ZMYM2: variants seen among roughly 807,000 people sequenced by gnomAD.
ZMYM2 encodes zinc finger MYM-type containing 2, also known as zinc finger MYM-type protein 2.
ZMYM2 carries 56 observed loss-of-function variants against 162.8 expected under a neutral mutation model. That is an observed-to-expected ratio of 0.34 (90% CI 0.28 to 0.43). The LOEUF (loss-of-function observed/expected upper bound fraction) is 0.43, where lower values mean the gene tolerates loss of function less well. Among genes scored for constraint, ZMYM2 ranks in the 20% least tolerant of loss-of-function variants. ZMYM2 has a pLI of 1.00. For missense variants in ZMYM2, 1,275 were observed against 1,621.8 expected (o/e 0.79, Z 3.67); for synonymous variants, 510 against 541.6 (o/e 0.94, Z 0.81).
At chr13:19,937,405 T>C in the ZMYM2 span, among the ~76,000 whole-genome samples, 3 of 151,324 alleles carry the variant, frequency 2.0e-5, no homozygotes, top group Non-Finnish European at 1.5e-5. Context: ...CCCAAAGTAT[T>C]GGGATTACAG....
intron 16 of ZMYM2, among the ~76,000 whole-genome samples, chr13:20,060,125 T>C (rs1046672751): frequency 1.3e-5 from 2 of 152,198 alleles, no homozygotes; most frequent in African/African-American, 4.8e-5. Flanking sequence ...GCATAGACTT[T>C]GGTATCCATC....
intron 3 of ZMYM2, among the ~76,000 whole-genome samples, chr13:20,002,021 A>G (rs1950429706): frequency 6.6e-6 from 1 of 152,192 alleles, no homozygotes; most frequent in Non-Finnish European, 1.5e-5. Flanking sequence ...CTGAACCAGA[A>G]ATATTTCTGA....
intron 21 of ZMYM2, among the ~76,000 whole-genome samples, chr13:20,080,203 A>G (rs1055219867): frequency 2.0e-5 from 3 of 152,148 alleles, no homozygotes; most frequent in Non-Finnish European, 2.9e-5. Flanking sequence ...CACTTTCTTG[A>G]TTTGCCAGGC....
intron 2 of ZMYM2, among the ~76,000 whole-genome samples, chr13:19,989,534 C>A (rs771285294): frequency 6.6e-6 from 1 of 152,128 alleles, no homozygotes; most frequent in Non-Finnish European, 1.5e-5. Context: ...TAACTCCGGA[C>A]CTCAAGTGAT....
chr13:20,072,670 T>A (rs1957174906), intron 21 of ZMYM2, among the ~76,000 whole-genome samples: 1 of 152,160 alleles, frequency 6.6e-6, no homozygotes, highest in African/African-American at 2.4e-5. Context: ...AGGATTACTT[T>A]TTGTGGTGGG....
At chr13:19,987,620 CGTGTGTGTGTGTGT>C (rs756005409) in intron 2 of ZMYM2, among the ~76,000 whole-genome samples, 11 of 121,360 alleles carry the variant, frequency 9.1e-5, no homozygotes, top group African/African-American at 1.7e-4. Context: ...GGGGTTTTGT[CGTGTGTGTGTGTGT>C]GTGTGTGTGT....
At chr13:19,883,658 C>T in the ZMYM2 span, among the ~76,000 whole-genome samples, 1 of 152,092 alleles carries the variant, frequency 6.6e-6, no homozygotes, top group Non-Finnish European at 1.5e-5. Context: ...TTTCTGAGTG[C>T]TTTACTATGT....
At chr13:19,932,374 A>G in the ZMYM2 span, among the ~76,000 whole-genome samples, 1 of 152,054 alleles carries the variant, frequency 6.6e-6, no homozygotes, top group Non-Finnish European at 1.5e-5. Context: ...GAGGCCGGGC[A>G]TGGTGGCTCA....
At chr13:19,938,328 G>A in the ZMYM2 span, among the ~76,000 whole-genome samples, 4 of 152,178 alleles carry the variant, frequency 2.6e-5, no homozygotes, top group African/African-American at 9.6e-5. Context: ...CCAACATGGT[G>A]AAACCCTGTC....
At chr13:20,062,273 A>T (rs191656470) in intron 17 of ZMYM2, among the ~76,000 whole-genome samples, 1 of 152,340 alleles carries the variant, frequency 6.6e-6, no homozygotes, top group East Asian at 1.9e-4. Context: ...TGAATCCCTC[A>T]TAGAAAGGGT....
the ZMYM2 span, among the ~76,000 whole-genome samples, chr13:19,947,537 G>C: frequency 6.8e-6 from 1 of 148,006 alleles, no homozygotes; most frequent in Non-Finnish European, 1.5e-5. Context: ...TTGGCTCACT[G>C]CAACTTCCGC....
chr13:19,936,153 CT>C, the ZMYM2 span, among the ~76,000 whole-genome samples: 1 of 152,020 alleles, frequency 6.6e-6, no homozygotes, highest in Non-Finnish European at 1.5e-5. Context: ...ATATGTGAAC[CT>C]TTTCTATAAT....
the ZMYM2 span, among the ~76,000 whole-genome samples, chr13:19,908,699 T>C: frequency 2.6e-5 from 4 of 151,870 alleles, no homozygotes; most frequent in Middle Eastern, 3.4e-3. Flanking sequence ...ACAAAAACAA[T>C]TAGTGAGAAG....
chr13:19,987,741 A>T (rs1377241654), intron 2 of ZMYM2, among the ~76,000 whole-genome samples: 1 of 151,828 alleles, frequency 6.6e-6, no homozygotes. Flanking sequence ...TCAGCCTCTC[A>T]AAGTGCTAGG....
At chr13:20,068,815 C>A (rs571794040) in intron 21 of ZMYM2, among the ~76,000 whole-genome samples, 51 of 152,112 alleles carry the variant, frequency 3.4e-4, no homozygotes, top group Non-Finnish European at 6.8e-4. Context: ...TGTGCCATAT[C>A]AACTCAGCAG....
chr13:19,884,748 G>A, the ZMYM2 span, among the ~76,000 whole-genome samples: 1 of 152,026 alleles, frequency 6.6e-6, no homozygotes, highest in African/African-American at 2.4e-5. Flanking sequence ...CGCGATAAAT[G>A]TTACAGCTCT....
At chr13:19,873,379 A>ATTTTATTT in the ZMYM2 span, among the ~76,000 whole-genome samples, 2 of 95,526 alleles carry the variant, frequency 2.1e-5, no homozygotes, top group Admixed American at 1.2e-4. Flanking sequence ...GACAGAGTCA[A>ATTTTATTT]TTTTATTTAT....
intron 3 of ZMYM2, among the ~76,000 whole-genome samples, chr13:19,999,338 G>A (rs1215835863): frequency 6.6e-6 from 1 of 152,124 alleles, no homozygotes; most frequent in East Asian, 1.9e-4. Flanking sequence ...TCGTGTCTCT[G>A]TTTCACATTT....
At chr13:19,982,013 C>CTGG (rs1957375558) in intron 2 of ZMYM2, among the ~76,000 whole-genome samples, 1 of 152,162 alleles carries the variant, frequency 6.6e-6, no homozygotes, top group African/African-American at 2.4e-5. Context: ...AAGAGCCTTC[C>CTGG]AATTTCCTGA....
Sources: allele counts gnomAD v4.1 joint callset (sites outside exome capture counted in the v4.1 genomes callset), GRCh38; gene constraint gnomAD v4.1.1; transcripts MANE v1.5; gene names NCBI Gene and HGNC (gene_info 2026-07-23, HGNC 2026-07-21).